The following PLA2G2D variants were observed in gnomAD, a reference collection of about 807,000 sequenced individuals.
The protein encoded by PLA2G2D is phospholipase A2 group IID.
PLA2G2D carries 17 observed loss-of-function variants against 13.9 expected under a neutral mutation model. That is an observed-to-expected ratio of 1.23 (90% CI 0.84 to 1.84). The LOEUF is 1.84. PLA2G2D is among the 40% of genes most tolerant of loss of function. The probability of loss-of-function intolerance (pLI) is 0.00; values close to 1 mark genes in which losing one functional copy is unlikely to be tolerated. For synonymous variants in PLA2G2D, 83 were observed against 69.3 expected (o/e 1.20, Z -0.98); for missense variants, 194 against 178.7 (o/e 1.09, Z -0.49).
At chr1:20,116,258 CA>C in intron 2 of PLA2G2D, 74 bp downstream of exon 2, 1 of 1,414,968 alleles carries the variant, frequency 7.1e-7, no homozygotes, top group South Asian at 1.2e-5. Flanking sequence ...ACTAAATGAA[CA>C]GGTGGGTGGA....
chr1:20,116,523 A>T, intron 1 of PLA2G2D, 46 bp from the exon 2 acceptor site: 1 of 1,607,594 alleles, frequency 6.2e-7, no homozygotes, highest in Non-Finnish European at 8.5e-7. Context: ...GATGAATTTC[A>T]GGGCAGCGCC....
At chr1:20,118,020 C>T (rs184065278) in intron 1 of PLA2G2D, among the ~76,000 whole-genome samples, 1 of 152,246 alleles carries the variant, frequency 6.6e-6, no homozygotes, top group East Asian at 1.9e-4. Context: ...AAGACATGTA[C>T]AAGAGAAGAC....
intron 3 of PLA2G2D, among the ~76,000 whole-genome samples, 164 bp from the exon 4 acceptor site, chr1:20,114,423 C>A (rs1201878807): frequency 6.6e-6 from 1 of 152,244 alleles, no homozygotes; most frequent in African/African-American, 2.4e-5. Flanking sequence ...ACCGTGACCT[C>A]CCTGTGTGCC....
chr1:20,114,689 A>C (rs1195678091), intron 3 of PLA2G2D, among the ~76,000 whole-genome samples: 1 of 151,790 alleles, frequency 6.6e-6, no homozygotes, highest in African/African-American at 2.4e-5. Flanking sequence ...GGGGTTTGGG[A>C]GTGGGGGATG....
intron 1 of PLA2G2D, among the ~76,000 whole-genome samples, chr1:20,117,063 A>C (rs916534092): frequency 6.6e-6 from 1 of 152,190 alleles, no homozygotes; most frequent in East Asian, 1.9e-4. Context: ...TTAAATAAAT[A>C]AACTTTTTAT....
chr1:20,114,034 AG>A lies in PLA2G2D; in HGVS notation c.*79del. 7.2e-7 allele frequency: 1 copy of A among 1,392,230 alleles called. No homozygotes were observed. The highest frequency in any genetic ancestry group is 9.9e-7 in the Non-Finnish European group (1 of 1,011,124). 86.2% of individuals were successfully genotyped at this position (1,392,230 alleles called of 1,614,324 possible). A position where few individuals can be genotyped will look rare whatever the true frequency, so the allele number is the denominator to read the frequency against. On this transcript the variant is annotated 3_prime_UTR_variant, in exon 4 of 4. Coordinates refer to ENST00000375105, the MANE Select transcript of PLA2G2D (RefSeq NM_012400.4). ...CTACCTCCCCCCGGAGTGTTTGAAA[AG>A]CCAGGCTGGTTCAGGTTAGATACTG...
intron 1 of PLA2G2D, 131 bp downstream of exon 1, chr1:20,119,328 C>A (rs1300471960): frequency 2.4e-6 from 2 of 828,490 alleles, no homozygotes; most frequent in Admixed American, 1.7e-5. Flanking sequence ...TGCAGAGGGG[C>A]AGAAGGATTG....
chr1:20,115,000 C>G (rs892016728), intron 3 of PLA2G2D, among the ~76,000 whole-genome samples: 4 of 152,128 alleles, frequency 2.6e-5, no homozygotes, highest in Non-Finnish European at 4.4e-5. Flanking sequence ...TGGGTTCCAG[C>G]CCAGGCTCTG....
At chr1:20,115,885 A>T (rs886290375) in intron 2 of PLA2G2D, among the ~76,000 whole-genome samples, 1 of 152,080 alleles carries the variant, frequency 6.6e-6, no homozygotes, top group African/African-American at 2.4e-5. Flanking sequence ...AGAAACTGAG[A>T]CTCGGGGAGG....
At chr1:20,115,370 C>G in intron 3 of PLA2G2D, 137 bp downstream of exon 3, 1 of 664,962 alleles carries the variant, frequency 1.5e-6, no homozygotes, top group Non-Finnish European at 2.8e-6. Context: ...ATTCTTGCCT[C>G]TTCACAGCCC....
chr1:20,116,511 G>C lies in PLA2G2D; in HGVS notation c.41-34C>G, dbSNP rs764946863. ...CAGCCCAGCAACCAGGAGAGAAGAGGAGATGAATTTCAGGGCAGCGCCAAT... is the reference window on the plus strand; with the variant it reads ...CAGCCCAGCAACCAGGAGAGAAGAGCAGATGAATTTCAGGGCAGCGCCAAT... On this transcript the variant is annotated intron_variant, in intron 1 of 3. Transcript: ENST00000375105. 6.2e-6 allele frequency: 10 copies of C among 1,613,366 alleles called. No homozygotes were observed. In the East Asian group the frequency reaches 2.2e-4, roughly 36 times the overall value.
At chr1:20,119,401 C>T in intron 1 of PLA2G2D, 58 bp downstream of exon 1, 1 of 1,427,798 alleles carries the variant, frequency 7.0e-7, no homozygotes, top group Non-Finnish European at 9.9e-7. Context: ...AAAGAGAGCA[C>T]AGGGGTACAC....
chr1:20,119,363 G>T, intron 1 of PLA2G2D, 96 bp downstream of exon 1: 3 of 1,088,188 alleles, frequency 2.8e-6, no homozygotes, highest in Non-Finnish European at 4.3e-6. Context: ...GGCTCCTGGG[G>T]ATCAGAGCAG....
rs540191514 is a variant in PLA2G2D at position 20,116,276 on chromosome 1, A to T, written c.185+57T>A. 22 of 1,541,258 alleles carry T rather than the reference A, an allele frequency of 1.4e-5. No homozygotes were observed. The South Asian group carries it at 2.1e-4, about 15-fold the overall frequency. ...AAATGAACAGGTGGGTGGAGAGAAA[A>T]GAAGAGTACCGTAGTCGGGGACAGT... On this transcript the variant is annotated intron_variant, in intron 2 of 3. Coordinates refer to ENST00000375105, the MANE Select transcript of PLA2G2D (RefSeq NM_012400.4).
Position 20,112,698 on chromosome 1 carries a change from G to A in PLA2G2D, c.*1416C>T, listed in dbSNP as rs553852603. On this transcript the variant is annotated 3_prime_UTR_variant, in exon 4 of 4. Coordinates refer to ENST00000375105, the MANE Select transcript of PLA2G2D (RefSeq NM_012400.4). ...GGGAGTACTTTCTGGAGAAACCTGT[G>A]AGGGAACCAGGAAAACTGGATAGGC... is the stretch of plus-strand genomic sequence containing the variant. 1 of 152,346 alleles carries A rather than the reference G, an allele frequency of 6.6e-6. No individual in the cohort carries two copies. The highest frequency in any genetic ancestry group is 2.4e-5 in the African/African-American group (1 of 41,574). The allele number at this position is 152,346 out of a possible 1,614,324, so 9.4% of individuals were successfully genotyped here. A position where few individuals can be genotyped will look rare whatever the true frequency, so the allele number is the denominator to read the frequency against.
intron 1 of PLA2G2D, among the ~76,000 whole-genome samples, chr1:20,118,467 A>G (rs878975680): frequency 6.6e-6 from 1 of 151,924 alleles, no homozygotes; most frequent in Admixed American, 6.6e-5. Context: ...AACTTTTCCT[A>G]CCCTTGGCTG....
At chr1:20,119,296 C>G (rs2100677366) in intron 1 of PLA2G2D, among the ~76,000 whole-genome samples, 163 bp downstream of exon 1, 1 of 152,334 alleles carries the variant, frequency 6.6e-6, no homozygotes, top group East Asian at 1.9e-4. Context: ...TGCTAGGAGA[C>G]TGACGGCCAC....
chr1:20,115,970 C>T (rs2016981174), intron 2 of PLA2G2D, among the ~76,000 whole-genome samples: 1 of 152,152 alleles, frequency 6.6e-6, no homozygotes, highest in African/African-American at 2.4e-5. Context: ...GGCTGGCTCT[C>T]ACCGCTCCTC....
rs544917295 is a variant in PLA2G2D at position 20,114,189 on chromosome 1, G to T, written c.363C>A (p.Arg121=). Residue 121 remains arginine (R), a synonymous_variant, in exon 4 of 4, where the codon CGC becomes CGA. Transcript: ENST00000375105. ...CDKEVAFCLK[R]NLDTYQKRLR... ...GTCGCTTCTGGTAGGTGTCCAGGTT[G>T]CGCTTCAGGCAGAAGGCCACCTCCT... The T allele has an allele frequency of 3.5e-5, 57 of 1,613,950 alleles. No homozygotes were observed. The South Asian group carries it at 5.2e-4, about 15-fold the overall frequency.
Sources: allele counts gnomAD v4.1 joint callset (sites outside exome capture counted in the v4.1 genomes callset), GRCh38; gene constraint gnomAD v4.1.1; transcripts MANE v1.5; gene names NCBI Gene and HGNC (gene_info 2026-07-23, HGNC 2026-07-21).